The following BEND6 variants were observed in gnomAD, a reference collection of about 807,000 sequenced individuals.
The protein encoded by BEND6 is BEN domain-containing protein 6.
Under a neutral mutation model 31.8 loss-of-function variants are expected in BEND6, and 24 were observed. That is an observed-to-expected ratio of 0.75 (90% CI 0.55 to 1.06). The LOEUF (loss-of-function observed/expected upper bound fraction) is 1.06. Ranked by LOEUF, BEND6 falls within the 50% of genes least tolerant of loss-of-function variation. The pLI, the probability that BEND6 is intolerant of heterozygous loss-of-function variation, is 0.00. For missense variants in BEND6, 294 were observed against 327.4 expected (o/e 0.90, Z 0.79); for synonymous variants, 109 against 114.6 (o/e 0.95, Z 0.31).
chr6:57,020,702 G>GT (rs1562561038), intron 6 of BEND6, among the ~76,000 whole-genome samples: 1 of 152,046 alleles, frequency 6.6e-6, no homozygotes, highest in Non-Finnish European at 1.5e-5. Context: ...GATTACAGGC[G>GT]TGAGCCACCG....
Position 57,004,516 on chromosome 6 carries a change from A to AGCCACC in BEND6, c.299-10606_299-10601dup, listed in dbSNP as rs567342070. Reference sequence around the variant, plus strand: ...GGCCTCTGCCGCTCCAGCTCCGTGTAGCCACCGCCACCGCCATGACTACCA... The same window carrying AGCCACC: ...GGCCTCTGCCGCTCCAGCTCCGTGTAGCCACCGCCACCGCCACCGCCATGACTACCA... On this transcript the variant is annotated intron_variant, in intron 3 of 6. Transcript: ENST00000370746. 7.9e-4 allele frequency: 568 copies of AGCCACC among 718,270 alleles called. 4 individuals are homozygous for AGCCACC. The East Asian group carries it at 0.013, about 16-fold the overall frequency. 44.5% of individuals were successfully genotyped at this position (718,270 alleles called of 1,614,324 possible).
chr6:56,983,107 A>T (rs1237216850), intron 2 of BEND6, among the ~76,000 whole-genome samples: 1 of 152,222 alleles, frequency 6.6e-6, no homozygotes. Flanking sequence ...ATTTGATAGT[A>T]CAGTGGTATT....
intron 3 of BEND6, chr6:57,014,594 A>G: frequency 4.3e-6 from 5 of 1,173,934 alleles, no homozygotes; most frequent in Non-Finnish European, 5.9e-6. Context: ...TCTTTAATAT[A>G]TCACAACACA....
chr6:56,971,894 A>G (rs528970843), intron 1 of BEND6, among the ~76,000 whole-genome samples: 1 of 152,110 alleles, frequency 6.6e-6, no homozygotes, highest in East Asian at 1.9e-4. Context: ...ATTTTCTCAC[A>G]TTCTATGGGT....
At chr6:57,017,668 A>G (rs1409175516) in intron 5 of BEND6, among the ~76,000 whole-genome samples, 1 of 152,220 alleles carries the variant, frequency 6.6e-6, no homozygotes, top group Non-Finnish European at 1.5e-5. Context: ...AAATTTTCAC[A>G]ATCTTTTAAA....
intron 3 of BEND6, chr6:57,010,511 C>T (rs1165930383): frequency 5.2e-6 from 1 of 191,680 alleles, no homozygotes; most frequent in Admixed American, 6.5e-5. Context: ...ATTTTAAATA[C>T]ACCTTTTAGA....
chr6:56,999,318 AT>A (rs1238348678), intron 3 of BEND6, among the ~76,000 whole-genome samples: 1 of 152,214 alleles, frequency 6.6e-6, no homozygotes, highest in Non-Finnish European at 1.5e-5. Context: ...ATCTCCAGGC[AT>A]TTGGAGCACT....
intron 6 of BEND6, among the ~76,000 whole-genome samples, chr6:57,022,132 C>A (rs1003410473): frequency 1.3e-5 from 2 of 149,094 alleles, no homozygotes; most frequent in African/African-American, 4.9e-5. Flanking sequence ...TGGAAGTATT[C>A]CCTCCTCTTC....
chr6:56,979,969 G>C (rs531644495), intron 1 of BEND6, among the ~76,000 whole-genome samples: 1 of 152,174 alleles, frequency 6.6e-6, no homozygotes, highest in African/African-American at 2.4e-5. Flanking sequence ...AATGTCATGC[G>C]AGCTACACAG....
At chr6:56,998,815 C>T (rs1826822242) in intron 3 of BEND6, among the ~76,000 whole-genome samples, 1 of 151,426 alleles carries the variant, frequency 6.6e-6, no homozygotes, top group Non-Finnish European at 1.5e-5. Flanking sequence ...CAAAAAGCTT[C>T]TACACAACAA....
At chr6:57,013,630 G>T (rs945700425) in intron 3 of BEND6, among the ~76,000 whole-genome samples, 1 of 152,106 alleles carries the variant, frequency 6.6e-6, no homozygotes, top group Non-Finnish European at 1.5e-5. Context: ...AAACTATCAG[G>T]CATGGTCCCA....
chr6:56,977,965 G>C (rs34979183), intron 1 of BEND6, among the ~76,000 whole-genome samples: 19,470 of 150,740 alleles, frequency 0.13, 1,460 homozygotes, highest in Middle Eastern at 0.2. Flanking sequence ...TCAAAAGAAA[G>C]AAAAGGGTGT....
intron 1 of BEND6, among the ~76,000 whole-genome samples, chr6:56,967,717 C>A (rs1344735515): frequency 6.6e-6 from 1 of 152,122 alleles, no homozygotes; most frequent in Non-Finnish European, 1.5e-5. Context: ...CAAACTTAGG[C>A]AAGGAGGGCC....
intron 1 of BEND6, among the ~76,000 whole-genome samples, chr6:56,968,761 A>T (rs954914845): frequency 2.0e-5 from 3 of 152,074 alleles, no homozygotes; most frequent in Non-Finnish European, 4.4e-5. Flanking sequence ...TTGGAAACTG[A>T]AAATATTTAT....
intron 1 of BEND6, chr6:56,976,047 C>A: frequency 2.4e-6 from 1 of 422,482 alleles, no homozygotes; most frequent in South Asian, 2.3e-5. Context: ...GAACAGGACA[C>A]GATACAAAGT....
chr6:56,991,372 T>C (rs910820926), intron 2 of BEND6, among the ~76,000 whole-genome samples: 2 of 152,044 alleles, frequency 1.3e-5, no homozygotes, highest in African/African-American at 4.8e-5. Context: ...GTTTTTTTTT[T>C]TTAATTTTTA....
At chr6:56,989,598 C>T (rs1462547847) in intron 2 of BEND6, among the ~76,000 whole-genome samples, 1 of 148,692 alleles carries the variant, frequency 6.7e-6, no homozygotes. Flanking sequence ...TTCCATTGAT[C>T]TACATCTACT....
In BEND6 at chr6:57,019,979, G is replaced by A. The variant is rs138607927; in HGVS notation, c.*9+1422G>A. ...CCCAGCGTGGTAGTGCACACCTGTA[G>A]TCCCAGTAACCCAGGAGCCTGAGGT... On this transcript the variant is annotated intron_variant, in intron 6 of 6. Transcript: ENST00000370746. Among the ~76,000 whole-genome samples the A allele has an allele frequency of 5.8e-3, 881 of 152,268 alleles. 5 individuals are homozygous for A. The highest frequency in any genetic ancestry group is 0.017 in the Middle Eastern group (5 of 294).
rs1562547453 is a variant in BEND6, at chr6:56,992,515, A to G, written c.258A>G (p.Lys86=). 6.2e-7 allele frequency: 1 copy of G among 1,613,982 alleles called. No homozygotes were observed. Among genetic ancestry groups the G allele is most frequent in the South Asian group, 1.1e-5 (1 of 91,040 alleles). ...AAGAAAAACTAACAAACACCCGGAA[A>G]GAAAACAGCCGACTTCGACAGTCTT... ...SLKEKLTNTR[K]ENSRLRQSLV... is the part of the protein sequence containing the mutation. The change falls in exon 3 of 7, where the codon AAA becomes AAG. Residue 86 remains lysine, a synonymous_variant. Transcript: ENST00000370746.
Sources: allele counts gnomAD v4.1 joint callset (sites outside exome capture counted in the v4.1 genomes callset), GRCh38; gene constraint gnomAD v4.1.1; transcripts MANE v1.5; gene names NCBI Gene and HGNC (gene_info 2026-07-23, HGNC 2026-07-21).